The following RBFOX1 variants were observed in gnomAD, a reference collection of about 807,000 sequenced individuals.
RBFOX1 encodes RNA binding protein fox-1 homolog 1.
Under a neutral mutation model 57.7 loss-of-function variants are expected in RBFOX1, and 8 were observed. The observed-to-expected ratio is 0.14, with a 90% CI of 0.08 to 0.25. The LOEUF is 0.25. RBFOX1 is among the 10% of genes least tolerant of loss of function. The probability of loss-of-function intolerance (pLI) is 1.00; values close to 1 mark genes in which losing one functional copy is unlikely to be tolerated. For synonymous variants in RBFOX1, 326 were observed against 222.4 expected (o/e 1.47, Z -4.15); for missense variants, 611 against 548.5 (o/e 1.11, Z -1.14).
intron 3 of RBFOX1, among the ~76,000 whole-genome samples, chr16:6,665,051 G>A (rs2098723315): frequency 6.6e-6 from 1 of 152,224 alleles, no homozygotes; most frequent in Non-Finnish European, 1.5e-5. Context: ...AGAAAAATAA[G>A]TGACAGTTAT....
At chr16:5,545,975 A>G (rs2045184243) in intron 2 of RBFOX1, among the ~76,000 whole-genome samples, 1 of 152,156 alleles carries the variant, frequency 6.6e-6, no homozygotes, top group Non-Finnish European at 1.5e-5. Flanking sequence ...ATTTAGTGAG[A>G]TTATAGAACA....
chr16:6,830,778 T>A (rs1283194254), intron 3 of RBFOX1, among the ~76,000 whole-genome samples: 2 of 152,178 alleles, frequency 1.3e-5, no homozygotes, highest in African/African-American at 2.4e-5. Context: ...ACGTCCTCTG[T>A]TGAGATGGTA....
chr16:6,999,617 C>T (rs1006567202), intron 3 of RBFOX1, among the ~76,000 whole-genome samples: 4 of 151,978 alleles, frequency 2.6e-5, no homozygotes, highest in Non-Finnish European at 5.9e-5. Context: ...AATATGTGGC[C>T]AAACTTGTTT....
At chr16:6,584,491 C>T (rs1359645055) in intron 2 of RBFOX1, among the ~76,000 whole-genome samples, 5 of 151,656 alleles carry the variant, frequency 3.3e-5, no homozygotes, top group Non-Finnish European at 7.4e-5. Flanking sequence ...CCTTAGCCTC[C>T]CAAGTTGCTG....
chr16:6,142,928 C>T (rs900283588), intron 1 of RBFOX1, among the ~76,000 whole-genome samples: 1 of 152,210 alleles, frequency 6.6e-6, no homozygotes, highest in Non-Finnish European at 1.5e-5. Context: ...CCTCTCTTCC[C>T]TCCTCTGTTA....
intron 3 of RBFOX1, among the ~76,000 whole-genome samples, chr16:6,981,074 G>T (rs1163094982): frequency 8.4e-6 from 1 of 119,082 alleles, no homozygotes; most frequent in African/African-American, 4.0e-5. Flanking sequence ...AAAAAATTCA[G>T]GAGTGGTGAG....
At chr16:5,753,751 T>C (rs771644490) in intron 3 of RBFOX1, among the ~76,000 whole-genome samples, 3 of 152,190 alleles carry the variant, frequency 2.0e-5, no homozygotes, top group Non-Finnish European at 4.4e-5. Flanking sequence ...AGCACAGCAC[T>C]GCTCTCCCTT....
At chr16:6,346,402 T>A (rs2085371593) in intron 2 of RBFOX1, among the ~76,000 whole-genome samples, 1 of 152,234 alleles carries the variant, frequency 6.6e-6, no homozygotes, top group Non-Finnish European at 1.5e-5. Context: ...AACTTGGGAA[T>A]GTGAGTCTGT....
intron 3 of RBFOX1, among the ~76,000 whole-genome samples, chr16:6,757,663 A>G (rs1057179425): frequency 1.3e-5 from 2 of 152,232 alleles, no homozygotes; most frequent in African/African-American, 4.8e-5. Flanking sequence ...AGAAGGTGGG[A>G]TGAGGGGAGG....
At chr16:7,531,790 A>T (rs139432682) in intron 5 of RBFOX1, among the ~76,000 whole-genome samples, 3 of 152,184 alleles carry the variant, frequency 2.0e-5, no homozygotes, top group Non-Finnish European at 4.4e-5. Context: ...AACTATTTCA[A>T]TTATGATAAT....
intron 1 of RBFOX1, among the ~76,000 whole-genome samples, chr16:6,079,554 GC>G (rs2095966951): frequency 6.6e-6 from 1 of 151,732 alleles, no homozygotes; most frequent in Admixed American, 6.6e-5. Context: ...AAACTCCTGG[GC>G]TCAACTGATC....
In RBFOX1 at chr16:7,223,090, G is replaced by T. The variant is rs138430084; in HGVS notation, c.27+170992G>T. Among the ~76,000 whole-genome samples the T allele has an allele frequency of 2.0e-3, 306 of 152,336 alleles. 4 individuals carry two copies. Among genetic ancestry groups the T allele is most frequent in the African/African-American group, 6.9e-3 (287 of 41,584 alleles). On this transcript the variant is annotated intron_variant, in intron 4 of 15. Coordinates refer to ENST00000550418, the MANE Select transcript of RBFOX1 (RefSeq NM_018723.4). ...CATTTAGCTGTCAGCAGCAGCCTGG[G>T]AGACTAGCAACTGAGGTGAATAAAG...
chr16:7,378,333 C>T (rs926726059), intron 4 of RBFOX1, among the ~76,000 whole-genome samples: 1 of 152,080 alleles, frequency 6.6e-6, no homozygotes, highest in Non-Finnish European at 1.5e-5. Flanking sequence ...TCAGGGTCTA[C>T]GGTTTAGGGA....
chr16:6,214,373 AAGAGTG>A (rs1405457046), intron 1 of RBFOX1, among the ~76,000 whole-genome samples: 3 of 129,540 alleles, frequency 2.3e-5, no homozygotes, highest in Admixed American at 7.7e-5. Context: ...GTGAGGGAGA[AAGAGTG>A]AGAGTGAGAG....
chr16:5,658,081 G>T (rs2049512657), intron 3 of RBFOX1, among the ~76,000 whole-genome samples: 1 of 152,146 alleles, frequency 6.6e-6, no homozygotes, highest in South Asian at 2.1e-4. Flanking sequence ...TCCAGGGCAG[G>T]GTTGGAGAGA....
At chr16:7,069,628 A>G (rs902408125) in intron 4 of RBFOX1, among the ~76,000 whole-genome samples, 6 of 152,126 alleles carry the variant, frequency 3.9e-5, no homozygotes, top group African/African-American at 1.4e-4. Context: ...GGAATTAACA[A>G]CCCTGGAAAA....
At chr16:6,553,103 G>A (rs1012204627) in intron 2 of RBFOX1, among the ~76,000 whole-genome samples, 2 of 152,122 alleles carry the variant, frequency 1.3e-5, no homozygotes, top group East Asian at 1.9e-4. Context: ...CCGTGGAAAC[G>A]TCCCTAGGTA....
intron 3 of RBFOX1, among the ~76,000 whole-genome samples, chr16:6,971,856 C>A (rs1388279039): frequency 6.6e-6 from 1 of 152,084 alleles, no homozygotes; most frequent in Non-Finnish European, 1.5e-5. Flanking sequence ...ATGGAAGAGT[C>A]TAATTCCCTG....
intron 3 of RBFOX1, among the ~76,000 whole-genome samples, chr16:6,814,572 A>G (rs774061391): frequency 1.6e-4 from 25 of 152,176 alleles, no homozygotes; most frequent in Non-Finnish European, 3.1e-4. Flanking sequence ...ACTGATGAGC[A>G]TGATAGATGC....
Sources: gnomAD v4.1 joint callset for allele counts (sites outside exome capture counted in the v4.1 genomes callset) on GRCh38, gnomAD v4.1.1 for gene constraint, MANE v1.5 for transcripts, NCBI Gene and HGNC (gene_info 2026-07-23, HGNC 2026-07-21) for gene names.